Variants in ACKR1 observed in about 807,000 individuals in gnomAD.
ACKR1 encodes the protein atypical chemokine receptor 1 (Duffy blood group).
ACKR1 carries 3 observed loss-of-function variants against 2.5 expected under a neutral mutation model. The ratio of observed to expected loss-of-function variants is 1.18; its 90% CI spans 0.54 to 3.06. ACKR1 has a LOEUF of 3.06. Ranked by LOEUF, ACKR1 falls within the 30% of genes most tolerant of loss-of-function variation. The pLI, the probability that ACKR1 is intolerant of heterozygous loss-of-function variation, is 0.03. For synonymous variants in ACKR1, 208 were observed against 178.2 expected (o/e 1.17, Z -1.33); for missense variants, 438 against 395.2 (o/e 1.11, Z -0.92).
In ACKR1 at chr1:159,206,433, C is replaced by T; in HGVS notation, c.994C>T (p.Leu332Phe). The change falls in exon 2 of 2, where the codon CTT becomes TTT. Residue 332 changes from leucine (L) to phenylalanine (F), a missense_variant. By Grantham distance (22) the Leu-to-Phe change is conservative (BLOSUM62 0). Coordinates refer to ENST00000368122, the MANE Select transcript of ACKR1 (RefSeq NM_002036.4). ...AGGATGGTCTTCTCATCTGGACACC[C>T]TTGGAAGCAAATCCTAGTTCTCTTC... ...PEGWSSHLDT[L>F]GSKS 6.2e-7 allele frequency: 1 copy of T among 1,612,224 alleles called. No individual in the cohort carries two copies. Among genetic ancestry groups the T allele is most frequent in the Non-Finnish European group, 8.5e-7 (1 of 1,178,584 alleles).
At position 159,206,110 on chromosome 1, in the gene ACKR1, G is replaced by T. The variant is rs918349861; in HGVS notation, c.671G>T (p.Gly224Val). ...CLAIFVLLPLGLFGAKGLKKA... is the reference protein window; with the variant it reads ...CLAIFVLLPLVLFGAKGLKKA... Reference sequence around the variant, plus strand: ...GCCATCTTTGTCTTGTTGCCATTGGGTTTGTTTGGAGCCAAGGGGCTGAAG... The same window carrying T: ...GCCATCTTTGTCTTGTTGCCATTGGTTTTGTTTGGAGCCAAGGGGCTGAAG... The change falls in exon 2 of 2, where the codon GGT becomes GTT. Residue 224 changes from glycine to valine, a missense_variant. Physicochemically the swap from Gly to Val is moderately radical, Grantham distance 109. Coordinates refer to ENST00000368122, the MANE Select transcript of ACKR1 (RefSeq NM_002036.4). The T allele has an allele frequency of 1.1e-5, 18 of 1,614,236 alleles. No individual in the cohort carries two copies. The highest frequency in any genetic ancestry group is 1.2e-5 in the Non-Finnish European group (14 of 1,180,044).
In ACKR1 at chr1:159,206,449, A is replaced by G. The variant is rs1401309588; in HGVS notation, c.1010A>G (p.Ter337TrpextTer8). The change falls in exon 2 of 2, where the codon TAG becomes TGG. Residue 337 changes from the stop codon to tryptophan, a stop_lost. Coordinates refer to ENST00000368122, the MANE Select transcript of ACKR1 (RefSeq NM_002036.4). The part of the protein sequence containing the change: ...SHLDTLGSKS[*>W] ...CTGGACACCCTTGGAAGCAAATCCT[A>G]GTTCTCTTCCCACCTGTCAACCTGA... 7.5e-6 allele frequency: 12 copies of G among 1,607,424 alleles called. No individual in the cohort carries two copies. The highest frequency in any genetic ancestry group is 1.0e-5 in the Non-Finnish European group (12 of 1,175,364).
At chr1:159,205,065 T>C in intron 1 of ACKR1, 85 bp downstream of exon 1, 1 of 1,449,928 alleles carries the variant, frequency 6.9e-7, no homozygotes, top group Non-Finnish European at 9.4e-7. Flanking sequence ...TTATATCTCT[T>C]CCTTTTCCTC....
Position 159,206,324 on chromosome 1 carries a change from G to T in ACKR1, c.885G>T (p.Leu295Phe), listed in dbSNP as rs771021836. The T allele has an allele frequency of 2.5e-6, 4 of 1,614,104 alleles. No individual in the cohort carries two copies. Among genetic ancestry groups the T allele is most frequent in the Non-Finnish European group, 2.5e-6 (3 of 1,180,048 alleles). ...ACCTGGCAGAAGCCCTGGCAATTTT[G>T]CACTGTGTGGCTACGCCCCTGCTCC... is the stretch of plus-strand genomic sequence containing the variant. ...LLNLAEALAILHCVATPLLLA... is the reference protein window; with the variant it reads ...LLNLAEALAIFHCVATPLLLA... Residue 295 changes from leucine to phenylalanine, a missense_variant, in exon 2 of 2, where the codon TTG becomes TTT. Transcript: ENST00000368122.
At position 159,206,351 on chromosome 1, in the gene ACKR1, C is replaced by T. The variant is rs756783920; in HGVS notation, c.912C>T (p.Leu304=). 14 of 1,614,134 alleles carry T rather than the reference C, an allele frequency of 8.7e-6. No individual in the cohort carries two copies. The African/African-American group carries it at 1.1e-4, about 12-fold the overall frequency. Residue 304 remains leucine, a synonymous_variant, in exon 2 of 2, where the codon CTC becomes CTT. Coordinates refer to ENST00000368122, the MANE Select transcript of ACKR1 (RefSeq NM_002036.4). Reference sequence around the variant, plus strand: ...ACTGTGTGGCTACGCCCCTGCTCCTCGCCCTATTCTGCCACCAGGCCACCC... The same window carrying T: ...ACTGTGTGGCTACGCCCCTGCTCCTTGCCCTATTCTGCCACCAGGCCACCC... ...ILHCVATPLL[L]ALFCHQATRT...
intron 1 of ACKR1, 177 bp from the exon 2 acceptor site, chr1:159,205,284 C>T (rs778484612): frequency 3.3e-5 from 27 of 819,508 alleles, no homozygotes; most frequent in Non-Finnish European, 4.3e-5. Context: ...GTTCCTGCTC[C>T]GGCTCTTCAG....
At chr1:159,205,309 C>T in intron 1 of ACKR1, 152 bp from the exon 2 acceptor site, 19 of 972,768 alleles carry the variant, frequency 2.0e-5, no homozygotes, top group Non-Finnish European at 2.7e-5. Context: ...CCTGCTTTGT[C>T]CTTTTCCACT....
At position 159,205,618 on chromosome 1, in the gene ACKR1, C is replaced by G. The variant is rs945299352; in HGVS notation, c.179C>G (p.Ser60Cys). ...PCHSCNLLDD[S>C]ALPFFILTSV... ...CACTCCTGTAACCTGCTGGATGACT[C>G]TGCACTGCCCTTCTTCATCCTCACC... The change falls in exon 2 of 2, where the codon TCT becomes TGT. Residue 60 changes from serine to cysteine, a missense_variant. Ser to Cys is a moderately radical substitution (Grantham distance 112). Transcript: ENST00000368122. The G allele has an allele frequency of 2.5e-6, 4 of 1,614,104 alleles. No homozygotes were observed. Among genetic ancestry groups the G allele is most frequent in the Non-Finnish European group, 3.4e-6 (4 of 1,180,032 alleles).
At position 159,206,298 on chromosome 1, in the gene ACKR1, A is replaced by G. The variant is rs1365005327; in HGVS notation, c.859A>G (p.Asn287Asp). Residue 287 changes from asparagine (N) to aspartate (D), a missense_variant, in exon 2 of 2, where the codon AAC becomes GAC. Physicochemically the swap from Asn to Asp is conservative, Grantham distance 23. Coordinates refer to ENST00000368122, the MANE Select transcript of ACKR1 (RefSeq NM_002036.4). ...CCAGCAGGCTCTGGACCTGCTGCTG[A>G]ACCTGGCAGAAGCCCTGGCAATTTT... ...LAQQALDLLL[N>D]LAEALAILHC... 1 of 1,614,190 alleles carries G rather than the reference A, an allele frequency of 6.2e-7. No individual in the cohort carries two copies. The highest frequency in any genetic ancestry group is 1.7e-5 in the Admixed American group (1 of 60,030).
chr1:159,205,667 C>T lies in ACKR1; in HGVS notation c.228C>T (p.Ser76=), dbSNP rs748435731. 6.2e-7 allele frequency: 1 copy of T among 1,614,224 alleles called. No individual in the cohort carries two copies. Among genetic ancestry groups the T allele is most frequent in the South Asian group, 1.1e-5 (1 of 91,086 alleles). The change falls in exon 2 of 2, where the codon AGC becomes AGT. Residue 76 remains serine, a synonymous_variant. Transcript: ENST00000368122. ...CCAGTGTCCTGGGTATCCTAGCTAG[C>T]AGCACTGTCCTCTTCATGCTTTTCA... The part of the protein sequence containing the change: ...ILTSVLGILA[S]STVLFMLFRP...
chr1:159,206,394 C>G lies in ACKR1; in HGVS notation c.955C>G (p.Leu319Val), dbSNP rs746013760. The G allele has an allele frequency of 5.0e-6, 8 of 1,614,148 alleles. No individual in the cohort carries two copies. In the African/African-American group the frequency reaches 9.3e-5, roughly 19 times the overall value. ...GGCCACCCGCACCCTCTTGCCCTCT[C>G]TGCCCCTCCCTGAAGGATGGTCTTC... ...HQATRTLLPS[L>V]PLPEGWSSHL... Residue 319 changes from leucine (L) to valine (V), a missense_variant, in exon 2 of 2, where the codon CTG becomes GTG. Transcript: ENST00000368122.
At position 159,205,985 on chromosome 1, in the gene ACKR1, G is replaced by A; in HGVS notation, c.546G>A (p.Leu182=). The A allele has an allele frequency of 6.2e-7, 1 of 1,614,164 alleles. No homozygotes were observed. Among genetic ancestry groups the A allele is most frequent in the Non-Finnish European group, 8.5e-7 (1 of 1,180,008 alleles). The change falls in exon 2 of 2, where the codon CTG becomes CTA. Residue 182 remains leucine (L), a synonymous_variant. Coordinates refer to ENST00000368122, the MANE Select transcript of ACKR1 (RefSeq NM_002036.4). ...GGGGAGTGGCTGCCCTACTGACACT[G>A]CCTGTCACCCTGGCCAGTGGTGCTT... The part of the protein sequence containing the change: ...GIWGVAALLT[L]PVTLASGASG...
chr1:159,205,000 C>T lies in ACKR1; in HGVS notation c.21+20C>T. 2 of 1,613,342 alleles carry T rather than the reference C, an allele frequency of 1.2e-6. No individual in the cohort carries two copies. The highest frequency in any genetic ancestry group is 1.7e-5 in the Admixed American group (1 of 59,850). On this transcript the variant is annotated intron_variant, in intron 1 of 1. Coordinates refer to ENST00000368122, the MANE Select transcript of ACKR1 (RefSeq NM_002036.4). ...CACAGGGTGAGTATGGGGCCAGGCC[C>T]CAGAGTCCCTTATCCCTATGCCCCT...
rs1414478838 is a variant in ACKR1, at chr1:159,206,067, C to A, written c.628C>A (p.His210Asn). 6.2e-7 allele frequency: 1 copy of A among 1,614,160 alleles called. No homozygotes were observed. Among genetic ancestry groups the A allele is most frequent in the African/African-American group, 1.3e-5 (1 of 74,956 alleles). The stretch of plus-strand genomic sequence containing the variant: ...GGAGCTGAAGGCTTTGCAGGCCACA[C>A]ACACTGTAGCCTGTCTTGCCATCTT... ...STELKALQAT[H>N]TVACLAIFVL... The change falls in exon 2 of 2, where the codon CAC (histidine) becomes AAC (asparagine). Residue 210 changes from histidine to asparagine, a missense_variant. His to Asn is a moderately conservative substitution (Grantham distance 68). Coordinates refer to ENST00000368122, the MANE Select transcript of ACKR1 (RefSeq NM_002036.4).
At chr1:159,205,422 G>A (rs774878327) in intron 1 of ACKR1, 39 bp from the exon 2 acceptor site, 29 of 1,576,626 alleles carry the variant, frequency 1.8e-5, no homozygotes, top group South Asian at 1.1e-4. Context: ...AGACTCTTCC[G>A]GTGTAACTCT....
In ACKR1 at chr1:159,206,490, G is replaced by A. The variant is rs201352969; in HGVS notation, c.*40G>A. 960 of 1,546,822 alleles carry A rather than the reference G, an allele frequency of 6.2e-4. 1 individual carries two copies. Among genetic ancestry groups the A allele is most frequent in the Non-Finnish European group, 7.9e-4 (899 of 1,142,386 alleles). On this transcript the variant is annotated 3_prime_UTR_variant, in exon 2 of 2. Coordinates refer to ENST00000368122, the MANE Select transcript of ACKR1 (RefSeq NM_002036.4). ...GTCAACCTGAATTAAAGTCTACACT[G>A]CCTTTGTGAAGCGGGTGGTTTCTTA...
chr1:159,206,019 C>G lies in ACKR1; in HGVS notation c.580C>G (p.Leu194Val). Residue 194 changes from leucine to valine, a missense_variant, in exon 2 of 2, where the codon CTC becomes GTC. Physicochemically the swap from Leu to Val is conservative, Grantham distance 32 (BLOSUM62 1). Transcript: ENST00000368122. ...VTLASGASGG[L>V]CTLIYSTELK... Reference sequence around the variant, plus strand: ...CCTGGCCAGTGGTGCTTCTGGTGGACTCTGCACCCTGATATACAGCACGGA... The same window carrying G: ...CCTGGCCAGTGGTGCTTCTGGTGGAGTCTGCACCCTGATATACAGCACGGA... The G allele has an allele frequency of 6.2e-7, 1 of 1,614,218 alleles. No individual in the cohort carries two copies. The highest frequency in any genetic ancestry group is 8.5e-7 in the Non-Finnish European group (1 of 1,180,020).
chr1:159,205,144 C>T (rs992437243), intron 1 of ACKR1, 164 bp downstream of exon 1: 1 of 821,682 alleles, frequency 1.2e-6, no homozygotes, highest in Non-Finnish European at 1.9e-6. Flanking sequence ...CCTTCCTATG[C>T]TAGCCTCCTA....
chr1:159,205,008 C>G, intron 1 of ACKR1, 28 bp downstream of exon 1: 1 of 1,611,360 alleles, frequency 6.2e-7, no homozygotes, highest in Non-Finnish European at 8.5e-7. Flanking sequence ...CCCCAGAGTC[C>G]CTTATCCCTA....
Sources: gnomAD v4.1 joint callset for allele counts on GRCh38, gnomAD v4.1.1 for gene constraint, MANE v1.5 for transcripts, NCBI Gene and HGNC (gene_info 2026-07-23, HGNC 2026-07-21) for gene names.